Variants in BTBD9 observed in about 807,000 individuals in gnomAD.
BTBD9 encodes the protein BTB domain containing 9, also known as BTB/POZ domain-containing protein 9.
A neutral mutation model predicts 64.3 loss-of-function variants in BTBD9; 49 were observed. That is an observed-to-expected ratio of 0.76 (90% CI 0.61 to 0.97). The LOEUF (loss-of-function observed/expected upper bound fraction) is 0.97, where lower values mean the gene tolerates loss of function less well. Among genes scored for constraint, BTBD9 ranks in the 50% least tolerant of loss-of-function variants. The pLI is 0.00. For missense variants in BTBD9, 598 were observed against 762.1 expected, an observed-to-expected ratio of 0.78 and a Z score of 2.53; for synonymous variants, 260 against 274.7, an observed-to-expected ratio of 0.95 and a Z score of 0.53.
intron 6 of BTBD9, among the ~76,000 whole-genome samples, chr6:38,443,634 G>GTC (rs948821855): frequency 5.3e-5 from 8 of 152,076 alleles, no homozygotes; most frequent in East Asian, 3.9e-4. Flanking sequence ...CACTCTCTTT[G>GTC]TCTCTCTCTC....
chr6:38,482,405 CTCTT>C (rs746938653), intron 6 of BTBD9: 32 of 148,638 alleles, frequency 2.2e-4, no homozygotes, highest in African/African-American at 6.0e-4. Context: ...GTGATCCTTT[CTCTT>C]TCTTTTTTTT....
chr6:38,190,726 A>G (rs1164385341), intron 10 of BTBD9, among the ~76,000 whole-genome samples: 1 of 152,128 alleles, frequency 6.6e-6, no homozygotes, highest in Non-Finnish European at 1.5e-5. Flanking sequence ...TCACACTCCA[A>G]CTTCCGAGCT....
chr6:38,293,225 G>A (rs1285108024), intron 7 of BTBD9, among the ~76,000 whole-genome samples: 8 of 152,058 alleles, frequency 5.3e-5, no homozygotes, highest in East Asian at 1.9e-4. Context: ...AATCAATATC[G>A]TGAAAATGGC....
intron 6 of BTBD9, among the ~76,000 whole-genome samples, chr6:38,386,488 C>T (rs893962914): frequency 2.0e-5 from 3 of 152,084 alleles, no homozygotes; most frequent in Non-Finnish European, 4.4e-5. Context: ...TGCAATATAG[C>T]GCTCACAGGC....
At chr6:38,181,243 G>T (rs1188447891) in intron 10 of BTBD9, among the ~76,000 whole-genome samples, 1 of 152,252 alleles carries the variant, frequency 6.6e-6, no homozygotes, top group Non-Finnish European at 1.5e-5. Flanking sequence ...ACTCTGCCTT[G>T]CTTTCCTGGT....
At chr6:38,614,526 T>C (rs946286303) in intron 1 of BTBD9, among the ~76,000 whole-genome samples, 1 of 152,164 alleles carries the variant, frequency 6.6e-6, no homozygotes, top group African/African-American at 2.4e-5. Context: ...CCACTTTACA[T>C]TTGCACTTAC....
intron 8 of BTBD9, among the ~76,000 whole-genome samples, chr6:38,275,749 G>A: frequency 6.6e-6 from 1 of 152,162 alleles, no homozygotes; most frequent in East Asian, 1.9e-4. Flanking sequence ...ATGAAAAAAT[G>A]CTCACCATCA....
intron 6 of BTBD9, among the ~76,000 whole-genome samples, chr6:38,365,995 T>G (rs1344085689): frequency 1.3e-5 from 2 of 152,212 alleles, no homozygotes; most frequent in African/African-American, 4.8e-5. Context: ...GTTAACTGGA[T>G]GCTTCTCACT....
chr6:38,325,798 T>C (rs977634869), intron 7 of BTBD9, among the ~76,000 whole-genome samples: 3 of 152,348 alleles, frequency 2.0e-5, no homozygotes. Context: ...TATTACATAG[T>C]AAATCAGCAG....
intron 1 of BTBD9, among the ~76,000 whole-genome samples, 161 bp from the exon 2 acceptor site, chr6:38,598,282 G>A (rs991360172): frequency 6.6e-6 from 1 of 152,054 alleles, no homozygotes; most frequent in Non-Finnish European, 1.5e-5. Context: ...TTTTGAGAAG[G>A]AATTCAGCCT....
chr6:38,169,095 G>C lies in BTBD9; in HGVS notation c.*5890C>G, dbSNP rs934295874. The C allele has an allele frequency of 6.5e-6, 1 of 152,716 alleles. No individual in the cohort carries two copies. Among genetic ancestry groups the C allele is most frequent in the African/African-American group, 2.4e-5 (1 of 41,456 alleles). The allele number at this position is 152,716 out of a possible 1,614,324, so 9.5% of individuals were successfully genotyped here. A position where few individuals can be genotyped will look rare whatever the true frequency, so the allele number is the denominator to read the frequency against. On this transcript the variant is annotated 3_prime_UTR_variant, in exon 11 of 11. Transcript: ENST00000481247. ...GCTCTGCCCCAGTATCCCCCAGCCTGGGCGGCCGGGCTGTGCTCCCTGAGG... is the reference window on the plus strand; with the variant it reads ...GCTCTGCCCCAGTATCCCCCAGCCTCGGCGGCCGGGCTGTGCTCCCTGAGG...
intron 9 of BTBD9, among the ~76,000 whole-genome samples, chr6:38,242,290 T>C (rs1009710491): frequency 1.3e-5 from 2 of 152,192 alleles, no homozygotes; most frequent in Non-Finnish European, 2.9e-5. Flanking sequence ...TTTCCCTAAC[T>C]CCATCCCATA....
At chr6:38,626,424 T>C (rs1434924292) in intron 1 of BTBD9, among the ~76,000 whole-genome samples, 2 of 152,226 alleles carry the variant, frequency 1.3e-5, no homozygotes, top group South Asian at 4.1e-4. Context: ...TTTGCTTGTT[T>C]GTTTGTTTGT....
chr6:38,543,696 G>A lies in BTBD9; in HGVS notation c.1154+33904C>T, dbSNP rs1003662846. On this transcript the variant is annotated intron_variant, in intron 6 of 10. Coordinates refer to ENST00000481247, the MANE Select transcript of BTBD9 (RefSeq NM_001099272.2). ...TGCCCCGCCGGGCGCGGTGGCTCAC[G>A]CCTGTAATCCTAGCACTTTGGGAGG... Among the ~76,000 whole-genome samples, 22 of 152,212 alleles carry A rather than the reference G, an allele frequency of 1.4e-4. No homozygotes were observed. In the East Asian group the frequency reaches 1.7e-3, roughly 12 times the overall value.
In BTBD9 at chr6:38,594,340, G is replaced by C; in HGVS notation, c.186-13C>G. On this transcript the variant is annotated splice_polypyrimidine_tract_variant and intron_variant, in intron 2 of 10. Transcript: ENST00000481247. ...ATATAATAATGCTCTGCACATCAGG[G>C]AAGAAACACATGAAGAAACCCTCAA... 6.4e-7 allele frequency: 1 copy of C among 1,570,446 alleles called. No homozygotes were observed. Among genetic ancestry groups the C allele is most frequent in the South Asian group, 1.2e-5 (1 of 84,862 alleles).
chr6:38,239,438 CAAAAA>C (rs750690746), intron 9 of BTBD9, among the ~76,000 whole-genome samples: 1 of 59,058 alleles, frequency 1.7e-5, no homozygotes, highest in Non-Finnish European at 3.4e-5. Context: ...GACTCTGTCT[CAAAAA>C]AAAAAAAAAA....
intron 6 of BTBD9, among the ~76,000 whole-genome samples, chr6:38,561,533 T>C (rs1775263804): frequency 6.6e-6 from 1 of 152,138 alleles, no homozygotes; most frequent in South Asian, 2.1e-4. Context: ...AGCAAAGAGA[T>C]AGACTCAATC....
chr6:38,491,925 T>C (rs1197458711), intron 6 of BTBD9, among the ~76,000 whole-genome samples: 2 of 152,114 alleles, frequency 1.3e-5, no homozygotes, highest in South Asian at 2.1e-4. Flanking sequence ...TTCATGTAAA[T>C]AAAAAGGAAA....
At chr6:38,543,797 A>C (rs1774400657) in intron 6 of BTBD9, among the ~76,000 whole-genome samples, 2 of 152,060 alleles carry the variant, frequency 1.3e-5, no homozygotes, top group Admixed American at 6.5e-5. Context: ...TTCTACTAAA[A>C]ATACAAAAAA....
Sources: gnomAD v4.1 joint callset for allele counts (sites outside exome capture counted in the v4.1 genomes callset) on GRCh38, gnomAD v4.1.1 for gene constraint, MANE v1.5 for transcripts, NCBI Gene and HGNC (gene_info 2026-07-23, HGNC 2026-07-21) for gene names.